The following FRMPD2 variants were observed in gnomAD, a reference collection of about 807,000 sequenced individuals.
FRMPD2 encodes FERM and PDZ domain-containing protein 2.
FRMPD2 carries 96 observed loss-of-function variants against 140.1 expected under a neutral mutation model. That is an observed-to-expected ratio of 0.69 (90% CI 0.58 to 0.81). FRMPD2 has a LOEUF of 0.81. Among genes scored for constraint, FRMPD2 ranks in the 40% least tolerant of loss-of-function variants. FRMPD2 has a pLI of 0.00. For missense variants in FRMPD2, 1,240 were observed against 1,447.4 expected, an observed-to-expected ratio of 0.86 and a Z score of 2.32; for synonymous variants, 449 against 547.6, an observed-to-expected ratio of 0.82 and a Z score of 2.52.
chr10:48,264,207 T>C (rs1329702211), intron 1 of FRMPD2, among the ~76,000 whole-genome samples: 1 of 151,452 alleles, frequency 6.6e-6, no homozygotes, highest in Non-Finnish European at 1.5e-5. Context: ...GGTGTGAAAC[T>C]AGATGTATTC....
chr10:48,188,027 A>G (rs1037290261), intron 16 of FRMPD2, among the ~76,000 whole-genome samples: 1 of 152,168 alleles, frequency 6.6e-6, no homozygotes, highest in African/African-American at 2.4e-5. Flanking sequence ...AGGTGAGCAA[A>G]GTCTAGATTG....
intron 7 of FRMPD2, among the ~76,000 whole-genome samples, chr10:48,239,018 C>G (rs1840035696): frequency 2.0e-5 from 3 of 152,248 alleles, no homozygotes; most frequent in Admixed American, 1.3e-4. Flanking sequence ...CTGTCTCTCT[C>G]TCTCTCTCTC....
chr10:48,251,811 G>A, intron 1 of FRMPD2, 120 bp from the exon 2 acceptor site: 1 of 1,180,290 alleles, frequency 8.5e-7, no homozygotes. Context: ...CCGGCACTGT[G>A]TTTTCAGCAC....
chr10:48,237,234 G>A (rs67282046), intron 8 of FRMPD2, among the ~76,000 whole-genome samples: 2 of 151,930 alleles, frequency 1.3e-5, no homozygotes, highest in African/African-American at 2.4e-5. Flanking sequence ...CAGGACTCTT[G>A]TCCCAAGAGG....
In FRMPD2 at chr10:48,175,949, A is replaced by C. The variant is rs1838398277; in HGVS notation, c.2896-10T>G. On this transcript the variant is annotated splice_polypyrimidine_tract_variant and intron_variant, in intron 22 of 28. Coordinates refer to ENST00000374201, the MANE Select transcript of FRMPD2 (RefSeq NM_001018071.4). ...TGGTGTTAATGCCACCCTGAAAAAC[A>C]CAACAAAAAACTCACCACCCATCTT... The C allele has an allele frequency of 5.6e-6, 9 of 1,604,148 alleles. No homozygotes were observed. Among genetic ancestry groups the C allele is most frequent in the Non-Finnish European group, 7.7e-6 (9 of 1,172,688 alleles).
intron 13 of FRMPD2, among the ~76,000 whole-genome samples, chr10:48,210,640 G>A (rs80122419): frequency 2.0e-4 from 30 of 152,294 alleles, no homozygotes; most frequent in Admixed American, 4.6e-4. Flanking sequence ...GGAATGCTTC[G>A]TCCCCTTGAC....
At chr10:48,211,322 G>A (rs113263235) in intron 13 of FRMPD2, among the ~76,000 whole-genome samples, 94 of 152,364 alleles carry the variant, frequency 6.2e-4, no homozygotes, top group African/African-American at 2.2e-3. Context: ...CTGTGCACAG[G>A]CCACAGCAGC....
intron 10 of FRMPD2, among the ~76,000 whole-genome samples, chr10:48,231,546 C>T (rs1839847195): frequency 1.3e-5 from 2 of 152,192 alleles, no homozygotes; most frequent in South Asian, 4.1e-4. Flanking sequence ...CTTGCCCTTG[C>T]CCAACCTCCT....
In FRMPD2 at chr10:48,240,501, CAA is replaced by C; in HGVS notation, c.568-11_568-10del. 6.2e-7 allele frequency: 1 copy of C among 1,613,600 alleles called. No individual in the cohort carries two copies. The highest frequency in any genetic ancestry group is 2.2e-5 in the East Asian group (1 of 44,888). ...ACAACTCTTTTCTCCACCTGGGGGT[CAA>C]GTGCATCACACATCCACATCCCAAG... is the stretch of plus-strand genomic sequence containing the variant. On this transcript the variant is annotated splice_polypyrimidine_tract_variant and intron_variant, in intron 5 of 28. Transcript: ENST00000374201.
At chr10:48,261,740 A>G (rs1840593746) in intron 1 of FRMPD2, among the ~76,000 whole-genome samples, 1 of 152,184 alleles carries the variant, frequency 6.6e-6, no homozygotes, top group Admixed American at 6.6e-5. Context: ...GATCTAACAG[A>G]TAACTGTTTT....
At position 48,223,126 on chromosome 10, in the gene FRMPD2, A is replaced by G; in HGVS notation, c.1313T>C (p.Leu438Pro). The G allele has an allele frequency of 6.2e-7, 1 of 1,613,000 alleles. No homozygotes were observed. Among genetic ancestry groups the G allele is most frequent in the Non-Finnish European group, 8.5e-7 (1 of 1,179,254 alleles). ...IKFFVSHYGL[L>P]QHSLTRHQFY... ...TGAACAGGTTTGCAGCACTCACTGG[A>G]GCAGCCCATAGTGGCTGACAAAGAA... Residue 438 changes from leucine (L) to proline (P), a missense_variant, in exon 11 of 29, where the codon CTC becomes CCC. Physicochemically the swap from Leu to Pro is moderately conservative, Grantham distance 98. This residue lies in a region of FRMPD2 where 1,161 missense variants were observed against 1,055.9 expected (regional missense o/e 1.10). Coordinates refer to ENST00000374201, the MANE Select transcript of FRMPD2 (RefSeq NM_001018071.4).
intron 16 of FRMPD2, 116 bp from the exon 17 acceptor site, chr10:48,187,408 C>G: frequency 1.3e-6 from 1 of 767,620 alleles, no homozygotes; most frequent in Non-Finnish European, 2.2e-6. Flanking sequence ...GATGATGGCC[C>G]GGGGAGGGCA....
intron 1 of FRMPD2, among the ~76,000 whole-genome samples, chr10:48,258,508 G>A (rs1016775869): frequency 2.0e-5 from 3 of 152,160 alleles, no homozygotes; most frequent in Non-Finnish European, 2.9e-5. Context: ...TCTACAAAAC[G>A]GAGATGCTGA....
chr10:48,261,761 A>G (rs1588860392), intron 1 of FRMPD2, among the ~76,000 whole-genome samples: 1 of 152,286 alleles, frequency 6.6e-6, no homozygotes, highest in East Asian at 1.9e-4. Context: ...TCAAATTATA[A>G]TAGCAACAAC....
At chr10:48,207,510 G>T (rs1352993093) in intron 13 of FRMPD2, among the ~76,000 whole-genome samples, 1 of 152,148 alleles carries the variant, frequency 6.6e-6, no homozygotes, top group Non-Finnish European at 1.5e-5. Flanking sequence ...CCAGGGTCTT[G>T]CCTCTGTTTA....
At chr10:48,252,023 G>T (rs1156856248) in intron 1 of FRMPD2, among the ~76,000 whole-genome samples, 5 of 152,250 alleles carry the variant, frequency 3.3e-5, no homozygotes, top group Admixed American at 2.0e-4. Flanking sequence ...GGTGCGAGCT[G>T]TTGCAGAGAG....
At chr10:48,255,728 A>G (rs926231939) in intron 1 of FRMPD2, among the ~76,000 whole-genome samples, 1 of 152,190 alleles carries the variant, frequency 6.6e-6, no homozygotes, top group African/African-American at 2.4e-5. Context: ...GTGGTCAAGG[A>G]AGGCACTTCC....
At chr10:48,228,878 A>G (rs1169147667) in intron 10 of FRMPD2, among the ~76,000 whole-genome samples, 1 of 152,082 alleles carries the variant, frequency 6.6e-6, no homozygotes, top group Non-Finnish European at 1.5e-5. Flanking sequence ...AGTGATATCA[A>G]TAAAACTGAA....
chr10:48,185,100 G>A (rs1354499231), intron 18 of FRMPD2, among the ~76,000 whole-genome samples: 1 of 152,158 alleles, frequency 6.6e-6, no homozygotes, highest in Non-Finnish European at 1.5e-5. Context: ...CTAAAGCTAG[G>A]AATACAAACC....
Sources: gnomAD v4.1 joint callset for allele counts (sites outside exome capture counted in the v4.1 genomes callset) on GRCh38, gnomAD v4.1.1 for gene constraint, gnomAD v4.1.1 regional missense constraint, MANE v1.5 for transcripts, NCBI Gene and HGNC (gene_info 2026-07-23, HGNC 2026-07-21) for gene names.